The following SPTBN5 variants were observed in gnomAD, a reference collection of about 807,000 sequenced individuals.
The protein encoded by SPTBN5 is spectrin beta, non-erythrocytic 5.
A neutral mutation model predicts 477.6 loss-of-function variants in SPTBN5; 513 were observed. That is an observed-to-expected ratio of 1.07 (90% confidence interval 1.00 to 1.16). SPTBN5 has a LOEUF of 1.16. Among genes scored for constraint, SPTBN5 ranks in the 50% most tolerant of loss-of-function variants. The pLI, the probability that SPTBN5 is intolerant of heterozygous loss-of-function variation, is 0.00. For synonymous variants in SPTBN5, 2,169 were observed against 2,011.7 expected (o/e 1.08, Z -2.09); for missense variants, 5,062 against 4,731.8 (o/e 1.07, Z -2.05).
intron 5 of SPTBN5, 65 bp downstream of exon 5, chr15:41,887,863 A>G: frequency 6.6e-7 from 1 of 1,513,886 alleles, no homozygotes. Context: ...GGGTGGGCTG[A>G]GGACCCAAAC....
intron 39 of SPTBN5, among the ~76,000 whole-genome samples, chr15:41,865,455 G>A (rs2066267367): frequency 6.6e-6 from 1 of 152,180 alleles, no homozygotes; most frequent in Non-Finnish European, 1.5e-5. Context: ...AAACCACAAA[G>A]CTGACGTTGG....
chr15:41,888,631 T>G (rs1400055221), intron 4 of SPTBN5, among the ~76,000 whole-genome samples: 1 of 152,242 alleles, frequency 6.6e-6, no homozygotes, highest in Non-Finnish European at 1.5e-5. Flanking sequence ...CAGCTAATTT[T>G]TTGTATTTTA....
At position 41,872,329 on chromosome 15, in the gene SPTBN5, C is replaced by CGCAGCT. The variant is rs1567210713; in HGVS notation, c.5132_5137dup (p.Gln1711_Leu1712dup). 1 of 1,611,016 alleles carries CGCAGCT rather than the reference C, an allele frequency of 6.2e-7. No homozygotes were observed. The stretch of plus-strand genomic sequence containing the variant: ...TGTGGCCGCCAACTCCTGCAGTGCC[C>CGCAGCT]GCAGCTGCTCCCGGAGCCTCTCCTG... On this transcript the variant is annotated inframe_insertion, in exon 27 of 68. Coordinates refer to ENST00000320955, the MANE Select transcript of SPTBN5 (RefSeq NM_016642.4).
Position 41,875,495 on chromosome 15 carries a change from T to C in SPTBN5, c.4250A>G (p.Gln1417Arg), listed in dbSNP as rs968918529. 8.1e-6 allele frequency: 13 copies of C among 1,612,552 alleles called. No individual in the cohort carries two copies. Among genetic ancestry groups the C allele is most frequent in the South Asian group, 2.2e-5 (2 of 90,636 alleles). ...CAGGAGTTGCTCCTGCTGTCCAGCCTGCTGGAGCTCGTCCCCACGCTCAGT... is the reference window on the plus strand; with the variant it reads ...CAGGAGTTGCTCCTGCTGTCCAGCCCGCTGGAGCTCGTCCCCACGCTCAGT... Reference protein sequence around the residue: ...KMTERGDELQQAGQQEQLLRQ... With the variant: ...KMTERGDELQRAGQQEQLLRQ... Residue 1417 changes from glutamine to arginine, a missense_variant, in exon 22 of 68, where the codon CAG (glutamine) becomes CGG (arginine). Gln to Arg is a conservative substitution (Grantham distance 43). Transcript: ENST00000320955.
rs1390352885 is a variant in SPTBN5, at chr15:41,878,630, C to G, written c.3183-1G>C. On this transcript the variant is annotated splice_acceptor_variant, in intron 16 of 67. Transcript: ENST00000320955. LOFTEE classifies it high-confidence loss of function. The stretch of plus-strand genomic sequence containing the variant: ...CTCTGCGTAGCCTGGCTCCTCGACC[C>G]TGGGAGACAGGGTGCGCTGCACAGT... 6.2e-7 allele frequency: 1 copy of G among 1,608,842 alleles called. No individual in the cohort carries two copies.
chr15:41,852,298 G>C lies in SPTBN5; in HGVS notation c.10468C>G (p.Leu3490Val). 6.3e-7 allele frequency: 1 copy of C among 1,593,618 alleles called. No homozygotes were observed. The highest frequency in any genetic ancestry group is 8.5e-7 in the Non-Finnish European group (1 of 1,170,004). ...QKTEMEQELL[L>V]QPQELKPGRA... is the part of the protein sequence containing the mutation. Reference sequence around the variant, plus strand: ...CCGGGCTTCAGCTCCTGTGGCTGCAGCAGGAGCTCCTGTTCCATCTTGGGG... The same window carrying C: ...CCGGGCTTCAGCTCCTGTGGCTGCACCAGGAGCTCCTGTTCCATCTTGGGG... Residue 3490 changes from leucine to valine, a missense_variant, in exon 62 of 68, where the codon CTG becomes GTG. By Grantham distance (32) the Leu-to-Val change is conservative. Coordinates refer to ENST00000320955, the MANE Select transcript of SPTBN5 (RefSeq NM_016642.4).
At position 41,866,427 on chromosome 15, in the gene SPTBN5, C is replaced by T. The variant is rs1365635914; in HGVS notation, c.6547G>A (p.Asp2183Asn). The T allele has an allele frequency of 6.2e-7, 1 of 1,611,138 alleles. No homozygotes were observed. The highest frequency in any genetic ancestry group is 2.2e-5 in the East Asian group (1 of 44,824). ...KEPVPPGDLR[D>N]KLKPLLKHQA... Reference sequence around the variant, plus strand: ...TGTTTCAGCAGGGGCTTCAGCTTATCTCTCAGGTCCCCAGGAGGGACCGGC... The same window carrying T: ...TGTTTCAGCAGGGGCTTCAGCTTATTTCTCAGGTCCCCAGGAGGGACCGGC... Residue 2183 changes from aspartate (D) to asparagine (N), a missense_variant, in exon 37 of 68, where the codon GAT (aspartate) becomes AAT (asparagine). Asp to Asn is a conservative substitution (Grantham distance 23). Transcript: ENST00000320955.
At chr15:41,885,084 C>T (rs370616477) in intron 7 of SPTBN5, among the ~76,000 whole-genome samples, 29 of 152,140 alleles carry the variant, frequency 1.9e-4, no homozygotes, top group Non-Finnish European at 3.7e-4. Flanking sequence ...AGTGCAATGG[C>T]GCCATCTCTG....
At chr15:41,893,249 G>T (rs897112869) in intron 2 of SPTBN5, 33 bp downstream of exon 2, 1 of 1,612,956 alleles carries the variant, frequency 6.2e-7, no homozygotes, top group Admixed American at 1.7e-5. Flanking sequence ...GCCTGGTATG[G>T]GTGGGCTGTG....
At chr15:41,859,915 G>T (rs929056976) in intron 47 of SPTBN5, among the ~76,000 whole-genome samples, 1 of 152,184 alleles carries the variant, frequency 6.6e-6, no homozygotes, top group Non-Finnish European at 1.5e-5. Flanking sequence ...CTCTGAGAAG[G>T]ACAAAAGCCC....
intron 5 of SPTBN5, 119 bp from the exon 6 acceptor site, chr15:41,887,560 C>T (rs1362515730): frequency 1.1e-5 from 9 of 829,900 alleles, no homozygotes; most frequent in Non-Finnish European, 1.7e-5. Flanking sequence ...AATTCGTTTT[C>T]CCGACAGTTA....
chr15:41,858,301 G>A (rs1273589805), intron 49 of SPTBN5, among the ~76,000 whole-genome samples: 1 of 151,896 alleles, frequency 6.6e-6, no homozygotes, highest in Non-Finnish European at 1.5e-5. Flanking sequence ...CTGTCTCAAA[G>A]TGGCTATGTT....
chr15:41,850,270 G>A, intron 66 of SPTBN5: 1 of 384,822 alleles, frequency 2.6e-6, no homozygotes, highest in Non-Finnish European at 4.9e-6. Flanking sequence ...ACAGACTCTT[G>A]GGAGGAGAGT....
chr15:41,851,479 G>A (rs1170779521), intron 63 of SPTBN5, 110 bp from the exon 64 acceptor site: 3 of 808,518 alleles, frequency 3.7e-6, no homozygotes, highest in East Asian at 2.7e-5. Context: ...GCGGTGGATT[G>A]GACCAAAGTC....
rs2066719895 is a variant in SPTBN5, at chr15:41,876,183, T to A, written c.4053A>T (p.Thr1351=). The change falls in exon 21 of 68, where the codon ACA becomes ACT. Residue 1351 remains threonine (T), a synonymous_variant. Transcript: ENST00000320955. ...TCTCAGCTGCTTCGTGCCGCTTGAG[T>A]GTCTGCAGGATGTTTCTGCGCGCTC... ...PSGARRNILQ[T]LKRHEAAESE... 6.2e-7 allele frequency: 1 copy of A among 1,606,192 alleles called. No individual in the cohort carries two copies. The highest frequency in any genetic ancestry group is 1.7e-4 in the Middle Eastern group (1 of 6,058).
Position 41,855,394 on chromosome 15 carries a change from C to CTAG in SPTBN5, c.9252_9253insCTA (p.Arg3084_Glu3085insLeu). 6.2e-7 allele frequency: 1 copy of CTAG among 1,604,230 alleles called. No individual in the cohort carries two copies. The highest frequency in any genetic ancestry group is 1.1e-5 in the South Asian group (1 of 90,984). ...CTCCGCAGCAGCTCTGCGTGGGCCT[C>CTAG]CCGAACTGCCTGCAGCTGGGCTAGC... is the stretch of plus-strand genomic sequence containing the variant. On this transcript the variant is annotated inframe_insertion, in exon 55 of 68. Coordinates refer to ENST00000320955, the MANE Select transcript of SPTBN5 (RefSeq NM_016642.4).
chr15:41,885,675 T>G, intron 7 of SPTBN5, 60 bp downstream of exon 7: 1 of 1,502,410 alleles, frequency 6.7e-7, no homozygotes, highest in Non-Finnish European at 8.9e-7. Flanking sequence ...CATGGAAGGA[T>G]GGGGGTGTGG....
intron 67 of SPTBN5, 123 bp downstream of exon 67, chr15:41,849,746 G>C (rs1292061758): frequency 2.7e-6 from 2 of 743,488 alleles, no homozygotes; most frequent in Non-Finnish European, 4.5e-6. Context: ...GGTTCCAATA[G>C]CATTTCCCTA....
At position 41,858,756 on chromosome 15, in the gene SPTBN5, C is replaced by T. The variant is rs760149416; in HGVS notation, c.8080-8G>A. The T allele has an allele frequency of 1.6e-5, 26 of 1,608,292 alleles. No individual in the cohort carries two copies. In the African/African-American group the frequency reaches 3.5e-4, roughly 21 times the overall value. On this transcript the variant is annotated splice_polypyrimidine_tract_variant and splice_region_variant and intron_variant, in intron 48 of 67. Transcript: ENST00000320955. ...CCTCAGCCACGCAGCCACCTGGGCACATGGGGAGGACAGGCCTGCTGTCCA... is the reference window on the plus strand; with the variant it reads ...CCTCAGCCACGCAGCCACCTGGGCATATGGGGAGGACAGGCCTGCTGTCCA...
Sources: gnomAD v4.1 joint callset for allele counts (sites outside exome capture counted in the v4.1 genomes callset) on GRCh38, gnomAD v4.1.1 for gene constraint, MANE v1.5 for transcripts, NCBI Gene and HGNC (gene_info 2026-07-23, HGNC 2026-07-21) for gene names.